The following CHST9 variants were observed in gnomAD, a reference collection of about 807,000 sequenced individuals.
CHST9 encodes the protein carbohydrate sulfotransferase 9.
Under a neutral mutation model 44.4 loss-of-function variants are expected in CHST9, and 41 were observed. That is an observed-to-expected ratio of 0.92 (90% CI 0.72 to 1.20). CHST9 has a LOEUF of 1.20. Among genes scored for constraint, CHST9 ranks in the 50% most tolerant of loss-of-function variants. The pLI is 0.00. For missense variants in CHST9, 504 were observed against 516.5 expected (o/e 0.98, Z 0.23); for synonymous variants, 171 against 178.4 (o/e 0.96, Z 0.33).
intron 4 of CHST9, among the ~76,000 whole-genome samples, chr18:26,991,572 C>T (rs573299676): frequency 1.3e-4 from 20 of 152,098 alleles, no homozygotes; most frequent in African/African-American, 4.6e-4. Context: ...GTTATTACCA[C>T]GGTGTAAGAA....
chr18:26,941,386 GT>G (rs1568101408), intron 5 of CHST9, among the ~76,000 whole-genome samples: 1 of 152,016 alleles, frequency 6.6e-6, no homozygotes, highest in South Asian at 2.1e-4. Context: ...AACATAAAAG[GT>G]TTTAATTGTC....
chr18:27,149,348 C>A (rs1478566987), intron 1 of CHST9, among the ~76,000 whole-genome samples: 1 of 152,130 alleles, frequency 6.6e-6, no homozygotes, highest in African/African-American at 2.4e-5. Context: ...CTAGCTCCAT[C>A]CATGTTTCCA....
intron 1 of CHST9, among the ~76,000 whole-genome samples, chr18:27,171,214 A>ATTAGTC (rs1346215315): frequency 6.6e-6 from 1 of 152,176 alleles, no homozygotes; most frequent in African/African-American, 2.4e-5. Flanking sequence ...ATTCCACATC[A>ATTAGTC]TTAGTCCCCT....
At chr18:26,949,009 G>C (rs1311493874) in intron 4 of CHST9, among the ~76,000 whole-genome samples, 2 of 152,150 alleles carry the variant, frequency 1.3e-5, no homozygotes, top group African/African-American at 4.8e-5. Flanking sequence ...TGATATTGGA[G>C]GCTTTGCAGG....
Position 27,142,708 on chromosome 18 carries a change from C to A in CHST9, c.102G>T (p.Trp34Cys). The change falls in exon 2 of 6, where the codon TGG (tryptophan) becomes TGT (cysteine). Residue 34 changes from tryptophan to cysteine, a missense_variant. Physicochemically the swap from Trp to Cys is radical, Grantham distance 215. Transcript: ENST00000618847. ...TGTTACCTGTATGTTGTTCTTCAAT[C>A]CAGACTTGCAAATACATGAAGAGGA... ...GLLLFMYLQV[W>C]IEEQHTGRVE... The A allele has an allele frequency of 1.2e-6, 2 of 1,608,398 alleles. No individual in the cohort carries two copies. Among genetic ancestry groups the A allele is most frequent in the Non-Finnish European group, 1.7e-6 (2 of 1,177,668 alleles).
chr18:26,948,056 A>G (rs2056191155), intron 4 of CHST9, among the ~76,000 whole-genome samples: 1 of 152,240 alleles, frequency 6.6e-6, no homozygotes, highest in Non-Finnish European at 1.5e-5. Context: ...ACCATGGAAT[A>G]CTATGCAGTC....
At chr18:27,162,903 T>A (rs1258967867) in intron 1 of CHST9, among the ~76,000 whole-genome samples, 1 of 152,206 alleles carries the variant, frequency 6.6e-6, no homozygotes, top group African/African-American at 2.4e-5. Flanking sequence ...TTTTAGAGTT[T>A]CCAGTTTTTC....
chr18:26,967,462 A>T (rs2056481710), intron 4 of CHST9, among the ~76,000 whole-genome samples: 2 of 152,102 alleles, frequency 1.3e-5, no homozygotes, highest in African/African-American at 4.8e-5. Flanking sequence ...GTCCCTATAG[A>T]TCTACCTCAT....
intron 3 of CHST9, among the ~76,000 whole-genome samples, chr18:27,029,363 G>A (rs2057316758): frequency 6.6e-6 from 1 of 152,104 alleles, no homozygotes; most frequent in South Asian, 2.1e-4. Flanking sequence ...CTAAAATTGA[G>A]GAAATCTTGA....
intron 2 of CHST9, among the ~76,000 whole-genome samples, chr18:27,131,812 C>T (rs1439050920): frequency 1.3e-5 from 2 of 152,192 alleles, no homozygotes; most frequent in African/African-American, 4.8e-5. Flanking sequence ...TACACAGCAT[C>T]CCTATTTTAA....
At chr18:27,057,563 A>G (rs1056574629) in intron 2 of CHST9, among the ~76,000 whole-genome samples, 4 of 152,182 alleles carry the variant, frequency 2.6e-5, no homozygotes, top group Non-Finnish European at 5.9e-5. Flanking sequence ...TGCTTAGTTG[A>G]TATGTTGCTA....
intron 3 of CHST9, among the ~76,000 whole-genome samples, chr18:27,031,453 T>C (rs1237896376): frequency 1.6e-4 from 24 of 152,176 alleles, no homozygotes; most frequent in Admixed American, 1.6e-3. Context: ...CTATATCTCA[T>C]AATCATTCTT....
At chr18:27,052,797 T>A (rs954946360) in intron 2 of CHST9, among the ~76,000 whole-genome samples, 30 of 151,952 alleles carry the variant, frequency 2.0e-4, no homozygotes, top group African/African-American at 6.0e-4. Flanking sequence ...CTAGAAACCA[T>A]CGTCCTCAGC....
intron 5 of CHST9, chr18:26,925,966 G>A (rs1488329079): frequency 6.6e-6 from 1 of 151,964 alleles, no homozygotes; most frequent in Non-Finnish European, 1.5e-5. Flanking sequence ...AAAAATGAGT[G>A]AGAAAAAAAG....
rs1052039725 is a variant in CHST9 at position 27,163,226 on chromosome 18, G to T, written c.-96-20321C>A. On this transcript the variant is annotated intron_variant, in intron 1 of 5. Coordinates refer to ENST00000618847, the MANE Select transcript of CHST9 (RefSeq NM_031422.6). ...TGTGAGGTGTCAGTCTGCCCCTACT[G>T]GGGGGTGCCTCCCAGTTAGGCTACT... Among the ~76,000 whole-genome samples the T allele has an allele frequency of 7.9e-5, 12 of 152,272 alleles. No homozygotes were observed. In the Middle Eastern group the frequency reaches 0.014, roughly 173 times the overall value.
chr18:27,013,808 T>C (rs1205345915), intron 4 of CHST9, among the ~76,000 whole-genome samples: 1 of 152,208 alleles, frequency 6.6e-6, no homozygotes, highest in African/African-American at 2.4e-5. Context: ...TTCTTGAAAA[T>C]TAATGTCTTG....
At chr18:26,953,174 A>T (rs987824644) in intron 4 of CHST9, among the ~76,000 whole-genome samples, 1 of 152,102 alleles carries the variant, frequency 6.6e-6, no homozygotes, top group Non-Finnish European at 1.5e-5. Flanking sequence ...AATTCTAGAG[A>T]TATGGTGAGT....
At chr18:26,976,974 T>C (rs1254040823) in intron 4 of CHST9, among the ~76,000 whole-genome samples, 2 of 152,088 alleles carry the variant, frequency 1.3e-5, no homozygotes, top group African/African-American at 2.4e-5. Flanking sequence ...AAGATGTTAT[T>C]TGCAGGAAAA....
rs2033283393 is a variant in CHST9, at chr18:27,052,253, TG to T, written c.122-3751del. Among the ~76,000 whole-genome samples the T allele has an allele frequency of 1.4e-4, 21 of 149,060 alleles. No individual in the cohort carries two copies. In the Admixed American group the frequency reaches 1.4e-3, roughly 10 times the overall value. On this transcript the variant is annotated intron_variant, in intron 2 of 5. Coordinates refer to ENST00000618847, the MANE Select transcript of CHST9 (RefSeq NM_031422.6). Reference sequence around the variant, plus strand: ...GTATGTGTGTATATATAGGTGTGTGTGTATATATATATGTGTATATATATGT... The same window carrying T: ...GTATGTGTGTATATATAGGTGTGTGTTATATATATATGTGTATATATATGT...
Sources: gnomAD v4.1 joint callset for allele counts (sites outside exome capture counted in the v4.1 genomes callset) on GRCh38, gnomAD v4.1.1 for gene constraint, MANE v1.5 for transcripts, NCBI Gene and HGNC (gene_info 2026-07-23, HGNC 2026-07-21) for gene names.